Variants in ROCK1 observed in about 807,000 individuals in gnomAD.
The protein encoded by ROCK1 is rho-associated protein kinase 1.
A neutral mutation model predicts 196.8 loss-of-function variants in ROCK1; 36 were observed. The ratio of observed to expected loss-of-function variants is 0.18; its 90% CI spans 0.14 to 0.24. ROCK1 has a LOEUF of 0.24. Ranked by LOEUF, ROCK1 falls within the 10% of genes least tolerant of loss-of-function variation. The pLI is 1.00. For missense variants in ROCK1, 920 were observed against 1,562.0 expected (o/e 0.59, Z 6.93); for synonymous variants, 443 against 515.9 (o/e 0.86, Z 1.91).
chr18:21,020,093 CAAGT>C (rs778141381), intron 12 of ROCK1, 54 bp downstream of exon 12: 543 of 1,010,154 alleles, frequency 5.4e-4, no homozygotes, highest in Non-Finnish European at 7.7e-4. Context: ...TATAAGCTTT[CAAGT>C]AAGTATTTGG....
At chr18:21,009,658 T>C (rs1260315706) in intron 13 of ROCK1, among the ~76,000 whole-genome samples, 1 of 152,214 alleles carries the variant, frequency 6.6e-6, no homozygotes, top group Non-Finnish European at 1.5e-5. Context: ...CTGTACCATT[T>C]TATATCCCCA....
chr18:21,045,024 GTTTTTT>G, intron 5 of ROCK1: 2 of 153,038 alleles, frequency 1.3e-5, no homozygotes, highest in African/African-American at 2.5e-5. Context: ...CCACACCTGT[GTTTTTT>G]TTTTTTTTTT....
At position 20,959,219 on chromosome 18, in the gene ROCK1, T is replaced by TA. The variant is rs1491194769; in HGVS notation, c.3512+620_3512+621insT. ...ATATATAATACATATAATATATATATTTTTTTTTTGAGACAGAGTTTCGCT... is the reference window on the plus strand; with the variant it reads ...ATATATAATACATATAATATATATATATTTTTTTTTGAGACAGAGTTTCGCT... On this transcript the variant is annotated intron_variant, in intron 29 of 32. Transcript: ENST00000399799. 3.0e-3 allele frequency among the ~76,000 whole-genome samples: 240 copies of TA among 80,850 alleles called. 1 individual carries two copies. The highest frequency in any genetic ancestry group is 4.6e-3 in the Middle Eastern group (1 of 218). The allele number at this position is 80,850 out of a possible 152,430, so 53.0% of individuals were successfully genotyped here.
At chr18:21,078,341 TACACACACACACACACAC>T (rs59499705) in intron 1 of ROCK1, among the ~76,000 whole-genome samples, 4 of 128,786 alleles carry the variant, frequency 3.1e-5, no homozygotes, top group Non-Finnish European at 6.5e-5. Context: ...AACACCCACC[TACACACACACACACACAC>T]ACACACACAC....
chr18:21,099,014 G>A (rs2036635192), intron 1 of ROCK1, among the ~76,000 whole-genome samples: 1 of 152,170 alleles, frequency 6.6e-6, no homozygotes, highest in Admixed American at 6.6e-5. Context: ...TCTTAGGAGA[G>A]GGAGAATATT....
intron 16 of ROCK1, among the ~76,000 whole-genome samples, chr18:21,001,227 A>G (rs2035721283): frequency 6.6e-6 from 1 of 152,214 alleles, no homozygotes; most frequent in Non-Finnish European, 1.5e-5. Context: ...CAGAACGGGT[A>G]AATTCAGAGA....
chr18:21,091,885 A>G (rs1288927817), intron 1 of ROCK1, among the ~76,000 whole-genome samples: 4 of 151,130 alleles, frequency 2.6e-5, no homozygotes, highest in East Asian at 4.0e-4. Flanking sequence ...CCCAAGGATC[A>G]GTTGAACCGG....
At chr18:21,023,763 C>A in intron 10 of ROCK1, 83 bp from the exon 11 acceptor site, 1 of 636,944 alleles carries the variant, frequency 1.6e-6, no homozygotes, top group Non-Finnish European at 2.7e-6. Flanking sequence ...ATACTACACG[C>A]CTATTTTATG....
chr18:21,053,831 G>GA (rs2036224646), intron 2 of ROCK1, among the ~76,000 whole-genome samples: 1 of 151,580 alleles, frequency 6.6e-6, no homozygotes, highest in African/African-American at 2.4e-5. Flanking sequence ...TCTTTTAGGG[G>GA]AGGGAAAAAA....
chr18:21,024,535 T>C (rs1421423761), intron 10 of ROCK1, among the ~76,000 whole-genome samples: 1 of 152,194 alleles, frequency 6.6e-6, no homozygotes, highest in African/African-American at 2.4e-5. Flanking sequence ...GATTAACCAG[T>C]AGAGCTATTG....
At chr18:20,990,626 G>A (rs979652084) in intron 18 of ROCK1, among the ~76,000 whole-genome samples, 1 of 125,420 alleles carries the variant, frequency 8.0e-6, no homozygotes, top group Admixed American at 9.7e-5. Context: ...CCTGGAGGCA[G>A]AGACTGCATT....
Position 21,039,570 on chromosome 18 carries a change from A to C in ROCK1, c.960-7T>G. 1 of 1,592,466 alleles carries C rather than the reference A, an allele frequency of 6.3e-7. No homozygotes were observed. The highest frequency in any genetic ancestry group is 8.6e-7 in the Non-Finnish European group (1 of 1,160,704). ...TCGCCCTAACCTCACTTCCCTGAAT[A>C]ATGACAGAAGGAGAAAAGTAATCAA... On this transcript the variant is annotated splice_polypyrimidine_tract_variant and splice_region_variant and intron_variant, in intron 8 of 32. Coordinates refer to ENST00000399799, the MANE Select transcript of ROCK1 (RefSeq NM_005406.3).
chr18:20,970,245 T>C (rs1276752931), intron 23 of ROCK1, 103 bp downstream of exon 23: 19 of 791,710 alleles, frequency 2.4e-5, no homozygotes, highest in East Asian at 1.3e-4. Context: ...TGTATTAACA[T>C]AGAAGTAAAT....
intron 1 of ROCK1, among the ~76,000 whole-genome samples, chr18:21,088,532 A>G (rs1339845379): frequency 1.3e-5 from 2 of 152,180 alleles, no homozygotes; most frequent in Admixed American, 6.6e-5. Context: ...AAAAAGAATA[A>G]TAATTTTCAA....
chr18:21,020,780 T>C (rs1385023871), intron 11 of ROCK1, among the ~76,000 whole-genome samples: 2 of 152,096 alleles, frequency 1.3e-5, no homozygotes, highest in Admixed American at 6.6e-5. Flanking sequence ...ATATGATATA[T>C]TTGGGAAATG....
chr18:21,088,786 T>C (rs2036547245), intron 1 of ROCK1, among the ~76,000 whole-genome samples: 1 of 152,134 alleles, frequency 6.6e-6, no homozygotes, highest in African/African-American at 2.4e-5. Flanking sequence ...CCTTCTACCA[T>C]GTGAGGACAT....
intron 29 of ROCK1, among the ~76,000 whole-genome samples, chr18:20,959,137 T>A (rs2035296763): frequency 4.6e-5 from 3 of 64,982 alleles, no homozygotes; most frequent in Non-Finnish European, 7.6e-5. Flanking sequence ...ATATTATATA[T>A]ATTATATAAA....
chr18:21,108,269 T>A (rs1217978503), intron 1 of ROCK1, among the ~76,000 whole-genome samples: 28 of 152,226 alleles, frequency 1.8e-4, no homozygotes, highest in Non-Finnish European at 4.4e-5. Flanking sequence ...GATACCTGGC[T>A]GTCCTAACTC....
chr18:20,996,562 A>G (rs530274271), intron 16 of ROCK1, among the ~76,000 whole-genome samples: 3 of 152,162 alleles, frequency 2.0e-5, no homozygotes, highest in Admixed American at 1.3e-4. Context: ...TTCAAGCACA[A>G]GAAGGTTCTA....
Sources: allele counts gnomAD v4.1 joint callset (sites outside exome capture counted in the v4.1 genomes callset), GRCh38; gene constraint gnomAD v4.1.1; transcripts MANE v1.5; gene names NCBI Gene and HGNC (gene_info 2026-07-23, HGNC 2026-07-21).